The following FSTL4 variants were observed in gnomAD, a reference collection of about 807,000 sequenced individuals.
FSTL4 encodes follistatin-related protein 4.
In FSTL4, 28 loss-of-function variants were observed where a neutral mutation model predicts 78.2. That is an observed-to-expected ratio of 0.36 (90% CI 0.27 to 0.49). The LOEUF (loss-of-function observed/expected upper bound fraction) is 0.49. Among genes scored for constraint, FSTL4 ranks in the 20% least tolerant of loss-of-function variants. The probability of loss-of-function intolerance (pLI) is 0.98; values close to 1 mark genes in which losing one functional copy is unlikely to be tolerated. For synonymous variants in FSTL4, 422 were observed against 440.5 expected, an observed-to-expected ratio of 0.96 and a Z score of 0.53; for missense variants, 922 against 1,084.9, an observed-to-expected ratio of 0.85 and a Z score of 2.11.
intron 7 of FSTL4, among the ~76,000 whole-genome samples, chr5:133,241,492 A>T (rs1200401056): frequency 6.6e-6 from 1 of 152,208 alleles, no homozygotes; most frequent in Non-Finnish European, 1.5e-5. Context: ...TGCCAGAGAC[A>T]TTGCTCTGAG....
chr5:133,722,198 A>G, the FSTL4 span, among the ~76,000 whole-genome samples: 5 of 152,156 alleles, frequency 3.3e-5, no homozygotes, highest in East Asian at 9.6e-4. Flanking sequence ...CAGCAGGGAC[A>G]TTAGATTCTC....
the FSTL4 span, among the ~76,000 whole-genome samples, chr5:133,653,177 C>A: frequency 6.6e-6 from 1 of 152,160 alleles, no homozygotes; most frequent in Non-Finnish European, 1.5e-5. Flanking sequence ...GGGCCTTTAA[C>A]AATGATGTAC....
chr5:133,383,620 G>C (rs567216690), intron 4 of FSTL4, among the ~76,000 whole-genome samples: 1 of 152,132 alleles, frequency 6.6e-6, no homozygotes, highest in Admixed American at 6.5e-5. Context: ...ATCACTCGGC[G>C]GGGACACCTC....
At chr5:133,614,573 C>T (rs1173408490), upstream of FSTL4, among the ~76,000 whole-genome samples, 1 of 152,154 alleles carries the variant, frequency 6.6e-6, no homozygotes, top group African/African-American at 2.4e-5. Context: ...AACCTTGACA[C>T]CTCTTTGAAT....
At chr5:133,339,360 G>A (rs1754536160) in intron 4 of FSTL4, among the ~76,000 whole-genome samples, 1 of 152,182 alleles carries the variant, frequency 6.6e-6, no homozygotes, top group Non-Finnish European at 1.5e-5. Flanking sequence ...CCTGCTCTCA[G>A]GGAGGGAGGG....
At chr5:133,527,472 TACACACACACACAC>T (rs3065527) in intron 3 of FSTL4, among the ~76,000 whole-genome samples, 1 of 90,572 alleles carries the variant, frequency 1.1e-5, no homozygotes, top group African/African-American at 3.6e-5. Context: ...TGTGCACGTG[TACACACACACACAC>T]ACACACACAC....
chr5:133,752,977 A>T, the FSTL4 span, among the ~76,000 whole-genome samples: 4 of 152,368 alleles, frequency 2.6e-5, no homozygotes, highest in East Asian at 7.7e-4. Flanking sequence ...CCTCTTTGTG[A>T]TTCTCATACT....
At chr5:133,340,202 A>G (rs925580858) in intron 4 of FSTL4, among the ~76,000 whole-genome samples, 1 of 152,138 alleles carries the variant, frequency 6.6e-6, no homozygotes, top group Non-Finnish European at 1.5e-5. Flanking sequence ...TGTAATTGCT[A>G]TAGGAGTCAA....
intron 6 of FSTL4, among the ~76,000 whole-genome samples, chr5:133,288,329 G>A (rs1753183926): frequency 6.6e-6 from 1 of 152,128 alleles, no homozygotes; most frequent in Non-Finnish European, 1.5e-5. Flanking sequence ...TGTCCCGGGG[G>A]TCCCCCATGG....
the FSTL4 span, among the ~76,000 whole-genome samples, chr5:133,764,424 C>T: frequency 1.3e-5 from 2 of 152,136 alleles, no homozygotes; most frequent in South Asian, 4.2e-4. Context: ...AACCTGGGGA[C>T]CCAGCAGAGA....
chr5:133,597,018 T>C (rs1760752145), intron 2 of FSTL4, among the ~76,000 whole-genome samples: 1 of 151,908 alleles, frequency 6.6e-6, no homozygotes, highest in Non-Finnish European at 1.5e-5. Flanking sequence ...CTGGCCACAC[T>C]TCCTCCCCCC....
intron 4 of FSTL4, among the ~76,000 whole-genome samples, chr5:133,340,533 T>C (rs929883916): frequency 1.3e-5 from 2 of 152,186 alleles, no homozygotes; most frequent in Non-Finnish European, 2.9e-5. Flanking sequence ...ATAACCATTA[T>C]AAACCCATTC....
chr5:133,459,353 C>A (rs554512468), intron 3 of FSTL4, among the ~76,000 whole-genome samples: 2 of 151,872 alleles, frequency 1.3e-5, no homozygotes, highest in South Asian at 4.2e-4. Context: ...CAGCCACCAC[C>A]CATGAAGAGT....
At chr5:133,664,559 G>A in the FSTL4 span, among the ~76,000 whole-genome samples, 1 of 152,178 alleles carries the variant, frequency 6.6e-6, no homozygotes, top group African/African-American at 2.4e-5. Flanking sequence ...AAGCCAGCCT[G>A]GCTGCCCACT....
Position 133,221,891 on chromosome 5 carries a change from G to GTTTTTTTTTTT in FSTL4, c.1340-1036_1340-1026dup, listed in dbSNP as rs59400068. On this transcript the variant is annotated intron_variant, in intron 11 of 15. Coordinates refer to ENST00000265342, the MANE Select transcript of FSTL4 (RefSeq NM_015082.2). ...AATATGTAGAAAAATCTCTTTTCTA[G>GTTTTTTTTTTT]TTTTTTTTTTTTTTTTTTTTTTTTT... 4.8e-4 allele frequency among the ~76,000 whole-genome samples: 21 copies of GTTTTTTTTTTT among 43,356 alleles called. 3 individuals are homozygous for GTTTTTTTTTTT. Among genetic ancestry groups the GTTTTTTTTTTT allele is most frequent in the Middle Eastern group, 0.013 (1 of 80 alleles). 28.4% of individuals were successfully genotyped at this position (43,356 alleles called of 152,430 possible).
chr5:133,641,458 G>A, the FSTL4 span, among the ~76,000 whole-genome samples: 1 of 152,046 alleles, frequency 6.6e-6, no homozygotes, highest in African/African-American at 2.4e-5. Flanking sequence ...TTGCTGAGAG[G>A]CACTTCTGCA....
chr5:133,803,853 A>G, the FSTL4 span, among the ~76,000 whole-genome samples: 13 of 152,116 alleles, frequency 8.5e-5, no homozygotes, highest in African/African-American at 2.9e-4. Context: ...CAGGGTTCCA[A>G]TTAGAGTATA....
At chr5:133,779,443 A>G in the FSTL4 span, among the ~76,000 whole-genome samples, 1 of 152,046 alleles carries the variant, frequency 6.6e-6, no homozygotes, top group Non-Finnish European at 1.5e-5. Flanking sequence ...AAAATTAGCC[A>G]GGTGTGGTGG....
Position 133,310,430 on chromosome 5 carries a change from A to C in FSTL4, c.727+2224T>G, listed in dbSNP as rs542627127. ...CGTCCTTCCCTTTCCAGGGTAGCTC[A>C]TGTTTACAATGACCTTACTAGGGAA... On this transcript the variant is annotated intron_variant, in intron 6 of 15. Coordinates refer to ENST00000265342, the MANE Select transcript of FSTL4 (RefSeq NM_015082.2). Among the ~76,000 whole-genome samples, 5 of 152,332 alleles carry C rather than the reference A, an allele frequency of 3.3e-5. No homozygotes were observed. The East Asian group carries it at 9.6e-4, about 29-fold the overall frequency.
Sources: gnomAD v4.1 joint callset for allele counts (sites outside exome capture counted in the v4.1 genomes callset) on GRCh38, gnomAD v4.1.1 for gene constraint, MANE v1.5 for transcripts, NCBI Gene and HGNC (gene_info 2026-07-23, HGNC 2026-07-21) for gene names.